Variants in SDK1 observed in about 807,000 individuals in gnomAD.
SDK1 encodes sidekick cell adhesion molecule 1, also known as protein sidekick-1.
SDK1 carries 157 observed loss-of-function variants against 245.5 expected under a neutral mutation model. The observed-to-expected ratio is 0.64, with a 90% confidence interval of 0.56 to 0.73. The LOEUF (loss-of-function observed/expected upper bound fraction) is 0.73, where lower values mean the gene tolerates loss of function less well. SDK1 is among the 30% of genes least tolerant of loss of function. The probability of loss-of-function intolerance (pLI) is 0.00; values close to 1 mark genes in which losing one functional copy is unlikely to be tolerated. For missense variants in SDK1, 3,583 were observed against 3,002.3 expected, an observed-to-expected ratio of 1.19 and a Z score of -4.52; for synonymous variants, 1,647 against 1,278.5, an observed-to-expected ratio of 1.29 and a Z score of -6.15.
chr7:4,097,683 G>C (rs540979307), intron 22 of SDK1, among the ~76,000 whole-genome samples: 1 of 152,172 alleles, frequency 6.6e-6, no homozygotes, highest in Non-Finnish European at 1.5e-5. Flanking sequence ...AAGATCTGGG[G>C]CTGGGGATTT....
intron 5 of SDK1, among the ~76,000 whole-genome samples, chr7:3,872,302 C>CCA (rs1780976366): frequency 6.6e-6 from 1 of 152,078 alleles, no homozygotes; most frequent in African/African-American, 2.4e-5. Context: ...AGGGTAAATG[C>CCA]TAGTCTCATA....
At chr7:3,829,411 T>G (rs1263677086) in intron 5 of SDK1, among the ~76,000 whole-genome samples, 2 of 152,140 alleles carry the variant, frequency 1.3e-5, no homozygotes, top group Non-Finnish European at 2.9e-5. Context: ...TCACGTATAT[T>G]TTCCTTCTTA....
Position 4,011,050 on chromosome 7 carries a change from A to T in SDK1, c.2216A>T (p.Tyr739Phe), listed in dbSNP as rs777647627. 6.2e-7 allele frequency: 1 copy of T among 1,614,108 alleles called. No individual in the cohort carries two copies. The highest frequency in any genetic ancestry group is 8.5e-7 in the Non-Finnish European group (1 of 1,180,026). Residue 739 changes from tyrosine to phenylalanine, a missense_variant, in exon 15 of 45, where the codon TAT (tyrosine) becomes TTT (phenylalanine). Transcript: ENST00000404826. ...AGTGGCCTGACTCCGGCTCGTACCT[A>T]TCAATTCCGGGTGTGCGCGGTGAAT... Reference protein sequence around the residue: ...TVSGLTPARTYQFRVCAVNEV... With the variant: ...TVSGLTPARTFQFRVCAVNEV...
chr7:3,641,818 C>A, intron 3 of SDK1, 140 bp from the exon 4 acceptor site: 1 of 703,818 alleles, frequency 1.4e-6, no homozygotes, highest in South Asian at 1.9e-5. Context: ...GTCAGCGCTG[C>A]CGTGCAGTCT....
intron 4 of SDK1, among the ~76,000 whole-genome samples, chr7:3,660,006 G>A (rs1392928378): frequency 2.0e-5 from 3 of 152,150 alleles, no homozygotes; most frequent in South Asian, 4.1e-4. Context: ...TGAGATGCCC[G>A]TGAAGTATCT....
intron 4 of SDK1, among the ~76,000 whole-genome samples, chr7:3,812,857 AT>A (rs768501488): frequency 3.0e-4 from 45 of 152,300 alleles, no homozygotes; most frequent in Admixed American, 6.5e-4. Context: ...TGTGCTAGGG[AT>A]TCATGCATTC....
In SDK1 at chr7:4,042,629, G is replaced by A. The variant is rs112061615; in HGVS notation, c.2603-6719G>A. ...AGCAAGGGTCTAATGCTAATCATCC[G>A]GGGAGGAAGTGTCCCTTGAGGCTTA... On this transcript the variant is annotated intron_variant, in intron 17 of 44. Coordinates refer to ENST00000404826, the MANE Select transcript of SDK1 (RefSeq NM_152744.4). Among the ~76,000 whole-genome samples the A allele has an allele frequency of 8.6e-4, 79 of 91,930 alleles. 20 individuals are homozygous for A. The highest frequency in any genetic ancestry group is 6.2e-3 in the African/African-American group (70 of 11,242). The allele number at this position is 91,930 out of a possible 152,430, so 60.3% of individuals were successfully genotyped here.
chr7:3,864,534 A>G (rs1031999521), intron 5 of SDK1, among the ~76,000 whole-genome samples: 1 of 151,592 alleles, frequency 6.6e-6, no homozygotes, highest in African/African-American at 2.4e-5. Context: ...AGATGTGGCT[A>G]ATATCTCTGC....
intron 4 of SDK1, among the ~76,000 whole-genome samples, chr7:3,797,303 GTTCATCTTTTCCTGTTTTCCCTT>G (rs1160220124): frequency 6.6e-6 from 1 of 151,972 alleles, no homozygotes. Context: ...TTTTAAAAAG[GTTCATCTTTTCCTGTTTTCCCTT>G]TTCGCTTCTT....
intron 1 of SDK1, among the ~76,000 whole-genome samples, chr7:3,365,420 C>T (rs969497152): frequency 2.6e-5 from 4 of 152,024 alleles, no homozygotes; most frequent in Non-Finnish European, 4.4e-5. Context: ...TTTCAGTGGT[C>T]GGAACTAAGA....
At position 3,951,006 on chromosome 7, in the gene SDK1, A is replaced by G; in HGVS notation, c.931A>G (p.Thr311Ala). ...AAGTGTGGTGGCTGGATCCAGTGAGACCACCTTGGAATGTATAGCCAGTGC... is the reference window on the plus strand; with the variant it reads ...AAGTGTGGTGGCTGGATCCAGTGAGGCCACCTTGGAATGTATAGCCAGTGC... ...NRSVVAGSSE[T>A]TLECIASARP... Residue 311 changes from threonine (T) to alanine (A), a missense_variant, in exon 6 of 45, where the codon ACC (threonine) becomes GCC (alanine). Physicochemically the swap from Thr to Ala is moderately conservative, Grantham distance 58 (BLOSUM62 0). Coordinates refer to ENST00000404826, the MANE Select transcript of SDK1 (RefSeq NM_152744.4). The G allele has an allele frequency of 6.2e-7, 1 of 1,613,756 alleles. No individual in the cohort carries two copies. The highest frequency in any genetic ancestry group is 1.1e-5 in the South Asian group (1 of 91,066).
chr7:3,659,810 A>C (rs1016951536), intron 4 of SDK1, among the ~76,000 whole-genome samples: 1 of 152,250 alleles, frequency 6.6e-6, no homozygotes, highest in African/African-American at 2.4e-5. Context: ...AGATGAAGAC[A>C]GGGTGGATGA....
Position 3,308,248 on chromosome 7 carries a change from GTAAT to G in SDK1, c.298+6369_298+6372del, listed in dbSNP as rs1479114718. ...AGGGGCAAGGCTAACAAATCTGGAGGTAATTAATGCAGTGAGAAACTTAAAAAGA... is the reference window on the plus strand; with the variant it reads ...AGGGGCAAGGCTAACAAATCTGGAGGTAATGCAGTGAGAAACTTAAAAAGA... On this transcript the variant is annotated intron_variant, in intron 1 of 44. Transcript: ENST00000404826. Among the ~76,000 whole-genome samples the G allele has an allele frequency of 4.6e-5, 7 of 152,212 alleles. No homozygotes were observed. The East Asian group carries it at 1.2e-3, about 25-fold the overall frequency.
intron 1 of SDK1, among the ~76,000 whole-genome samples, chr7:3,519,515 G>C (rs889955095): frequency 6.6e-6 from 1 of 151,868 alleles, no homozygotes; most frequent in Non-Finnish European, 1.5e-5. Context: ...TTTCTGTATT[G>C]CTTGCTATGT....
At chr7:4,077,703 G>A (rs1481076034) in intron 21 of SDK1, among the ~76,000 whole-genome samples, 1 of 152,136 alleles carries the variant, frequency 6.6e-6, no homozygotes, top group East Asian at 1.9e-4. Context: ...CCCGTGCAAG[G>A]AAACTCCCGT....
chr7:3,411,659 C>T (rs1199438230), intron 1 of SDK1, among the ~76,000 whole-genome samples: 1 of 152,162 alleles, frequency 6.6e-6, no homozygotes, highest in Non-Finnish European at 1.5e-5. Context: ...TAATTTTAAC[C>T]TGAAAAAGCT....
In SDK1 at chr7:3,357,045, ACT is replaced by A. The variant is rs1210888948; in HGVS notation, c.298+55167_298+55168del. 2.6e-5 allele frequency among the ~76,000 whole-genome samples: 3 copies of A among 117,228 alleles called. No homozygotes were observed. The East Asian group carries it at 6.8e-4, about 27-fold the overall frequency. The allele number at this position is 117,228 out of a possible 152,430, so 76.9% of individuals were successfully genotyped here. A position where few individuals can be genotyped will look rare whatever the true frequency, so the allele number is the denominator to read the frequency against. On this transcript the variant is annotated intron_variant, in intron 1 of 44. Coordinates refer to ENST00000404826, the MANE Select transcript of SDK1 (RefSeq NM_152744.4). ...ACTCCAGCCTGGGTGACAGAGCGAG[ACT>A]CTCTCGAAAAAAAAAAAAAAAAAAA... is the stretch of plus-strand genomic sequence containing the variant.
At position 3,350,829 on chromosome 7, in the gene SDK1, T is replaced by C. The variant is rs889742041; in HGVS notation, c.298+48945T>C. Among the ~76,000 whole-genome samples, 3 of 152,188 alleles carry C rather than the reference T, an allele frequency of 2.0e-5. No homozygotes were observed. The South Asian group carries it at 6.2e-4, about 32-fold the overall frequency. ...TTTGTGTGACACTGAAAAAAATTAG[T>C]AGGACTGTTAAAATAGTTTTTTCCC... On this transcript the variant is annotated intron_variant, in intron 1 of 44. Transcript: ENST00000404826.
Position 4,158,531 on chromosome 7 carries a change from C to T in SDK1, c.4709C>T (p.Ala1570Val), listed in dbSNP as rs756628810. 9.9e-6 allele frequency: 16 copies of T among 1,613,200 alleles called. No homozygotes were observed. Among genetic ancestry groups the T allele is most frequent in the South Asian group, 4.4e-5 (4 of 91,080 alleles). Residue 1570 changes from alanine (A) to valine (V), a missense_variant, in exon 31 of 45, where the codon GCG becomes GTG. Ala to Val is a moderately conservative substitution (Grantham distance 64). Coordinates refer to ENST00000404826, the MANE Select transcript of SDK1 (RefSeq NM_152744.4). ...GDSDFSSETE[A>V]VTTLQDVPGE... ...AGTGACTTCAGTTCAGAGACAGAGGCGGTGACCACGCTGCAGGATGGTGAG... is the reference window on the plus strand; with the variant it reads ...AGTGACTTCAGTTCAGAGACAGAGGTGGTGACCACGCTGCAGGATGGTGAG...
Sources: gnomAD v4.1 joint callset for allele counts (sites outside exome capture counted in the v4.1 genomes callset) on GRCh38, gnomAD v4.1.1 for gene constraint, MANE v1.5 for transcripts, NCBI Gene and HGNC (gene_info 2026-07-23, HGNC 2026-07-21) for gene names.